Variants in SMARCA2 observed in about 807,000 individuals in gnomAD.
SMARCA2 encodes the protein SWI/SNF-related matrix-associated actin-dependent regulator of chromatin subfamily A member 2.
In SMARCA2, 61 loss-of-function variants were observed where a neutral mutation model predicts 199.8. The ratio of observed to expected loss-of-function variants is 0.31; its 90% confidence interval spans 0.25 to 0.38. The LOEUF (loss-of-function observed/expected upper bound fraction) is 0.38, where lower values mean the gene tolerates loss of function less well. SMARCA2 is among the 10% of genes least tolerant of loss of function. SMARCA2 has a pLI of 1.00. For synonymous variants in SMARCA2, 935 were observed against 732.0 expected (o/e 1.28, Z -4.48); for missense variants, 1,344 against 2,012.2 (o/e 0.67, Z 6.35).
chr9:2,101,347 G>C (rs539524805), intron 21 of SMARCA2, among the ~76,000 whole-genome samples: 1 of 152,180 alleles, frequency 6.6e-6, no homozygotes, highest in South Asian at 2.1e-4. Flanking sequence ...TTACCTGAGA[G>C]TCTAGAGACT....
intron 32 of SMARCA2, 138 bp downstream of exon 32, chr9:2,186,366 C>T: frequency 1.2e-6 from 1 of 847,904 alleles, no homozygotes; most frequent in Non-Finnish European, 1.8e-6. Flanking sequence ...CCTTGCTGGG[C>T]AACCGGTGGC....
chr9:2,073,295 A>C lies in SMARCA2; in HGVS notation c.1830A>C (p.Glu610Asp). The C allele has an allele frequency of 6.2e-7, 1 of 1,614,218 alleles. No individual in the cohort carries two copies. Among genetic ancestry groups the C allele is most frequent in the Non-Finnish European group, 8.5e-7 (1 of 1,180,040 alleles). Reference sequence around the variant, plus strand: ...CCGGCAAGGTTCTGTTCGGACCAGAAGCACCCAAAGCAAGTCAGCTGGACG... The same window carrying C: ...CCGGCAAGGTTCTGTTCGGACCAGACGCACCCAAAGCAAGTCAGCTGGACG... The part of the protein sequence containing the change: ...TETGKVLFGP[E>D]APKASQLDAW... Residue 610 changes from glutamate to aspartate, a missense_variant, in exon 11 of 34, where the codon GAA becomes GAC. By Grantham distance (45) the Glu-to-Asp change is conservative. Transcript: ENST00000349721.
intron 27 of SMARCA2, among the ~76,000 whole-genome samples, chr9:2,144,539 T>G (rs1462437018): frequency 1.3e-5 from 2 of 152,046 alleles, no homozygotes; most frequent in African/African-American, 4.8e-5. Context: ...CATGGCAGAT[T>G]TTACACCCAG....
chr9:2,124,790 A>G (rs1197492799), intron 27 of SMARCA2, among the ~76,000 whole-genome samples: 1 of 152,212 alleles, frequency 6.6e-6, no homozygotes, highest in African/African-American at 2.4e-5. Flanking sequence ...GTGTGTGAAC[A>G]CTGAGGCCCG....
At chr9:2,139,591 A>G (rs1466680118) in intron 27 of SMARCA2, among the ~76,000 whole-genome samples, 1 of 152,174 alleles carries the variant, frequency 6.6e-6, no homozygotes, top group African/African-American at 2.4e-5. Flanking sequence ...CTGCCATTTT[A>G]TCTGATGATT....
chr9:2,057,793 T>C (rs1040493292), intron 7 of SMARCA2, among the ~76,000 whole-genome samples: 4 of 152,344 alleles, frequency 2.6e-5, no homozygotes, highest in African/African-American at 9.6e-5. Context: ...TTAGTGTAAA[T>C]AGAGTATATA....
intron 1 of SMARCA2, chr9:2,018,055 C>T (rs913220739): frequency 2.6e-5 from 4 of 152,234 alleles, no homozygotes; most frequent in African/African-American, 9.7e-5. Context: ...TCGCTGCGCC[C>T]GGGGCTGTTG....
Position 2,056,659 on chromosome 9 carries a change from C to T in SMARCA2, c.1174-13C>T, listed in dbSNP as rs1337143006. 1.9e-6 allele frequency: 3 copies of T among 1,607,358 alleles called. No homozygotes were observed. The highest frequency in any genetic ancestry group is 3.4e-5 in the Admixed American group (2 of 58,358). On this transcript the variant is annotated splice_polypyrimidine_tract_variant and intron_variant, in intron 6 of 33. Coordinates refer to ENST00000349721, the MANE Select transcript of SMARCA2 (RefSeq NM_003070.5). This position sits in a 1 kb window ranked among gnomAD's most constrained non-coding sequence, Gnocchi z 4.0. ...TGTTAGGGAAGGCTGTCTAACTGCTCTCTTCTTGACAGCTGAGACAGGAGG... is the reference window on the plus strand; with the variant it reads ...TGTTAGGGAAGGCTGTCTAACTGCTTTCTTCTTGACAGCTGAGACAGGAGG...
intron 9 of SMARCA2, among the ~76,000 whole-genome samples, chr9:2,069,240 A>C (rs1281198054): frequency 6.6e-6 from 1 of 151,606 alleles, no homozygotes; most frequent in African/African-American, 2.4e-5. Flanking sequence ...TTAACTTTTC[A>C]TTTAGGTTGT....
rs75748686 is a variant in SMARCA2, at chr9:2,151,137, T to A, written c.3982-10549T>A. Among the ~76,000 whole-genome samples, 727 of 151,536 alleles carry A rather than the reference T, an allele frequency of 4.8e-3. 16 individuals are homozygous for A. The highest frequency in any genetic ancestry group is 0.017 in the African/African-American group (697 of 41,428). ...CACTATGTACATGACACATGTACAT[T>A]TTGATCAATAACTAATCATATCACT... is the stretch of plus-strand genomic sequence containing the variant. On this transcript the variant is annotated intron_variant, in intron 27 of 33. Transcript: ENST00000349721.
At chr9:2,020,026 C>T (rs778859024) in intron 1 of SMARCA2, among the ~76,000 whole-genome samples, 1 of 152,008 alleles carries the variant, frequency 6.6e-6, no homozygotes, top group Admixed American at 6.5e-5. Flanking sequence ...GTTGGTAGGA[C>T]CTGATTTAAC....
chr9:2,083,374 T>C lies in SMARCA2; in HGVS notation c.2376T>C (p.Phe792=). The C allele has an allele frequency of 6.2e-7, 1 of 1,607,678 alleles. No individual in the cohort carries two copies. Among genetic ancestry groups the C allele is most frequent in the Non-Finnish European group, 8.5e-7 (1 of 1,176,122 alleles). Residue 792 remains phenylalanine (F), a synonymous_variant, in exon 16 of 34, where the codon TTT becomes TTC. Transcript: ENST00000349721. ...LSTLSNWTYE[F]DKWAPSVVKI... is the part of the protein sequence containing the mutation. Reference sequence around the variant, plus strand: ...CTCTATCTAACTGGACATATGAATTTGACAAATGGGCTCCTTCTGTGGTGA... The same window carrying C: ...CTCTATCTAACTGGACATATGAATTCGACAAATGGGCTCCTTCTGTGGTGA...
Position 2,160,242 on chromosome 9 carries a change from T to G in SMARCA2, c.3982-1444T>G, listed in dbSNP as rs147426704. The G allele has an allele frequency of 3.3e-3, 1,223 of 374,930 alleles. 6 individuals carry two copies. The highest frequency in any genetic ancestry group is 0.01 in the South Asian group (193 of 19,080). 23.2% of individuals were successfully genotyped at this position (374,930 alleles called of 1,614,324 possible). A position where few individuals can be genotyped will look rare whatever the true frequency, so the allele number is the denominator to read the frequency against. On this transcript the variant is annotated intron_variant, in intron 27 of 33. Coordinates refer to ENST00000349721, the MANE Select transcript of SMARCA2 (RefSeq NM_003070.5). ...TTTTTTTTTTCCTTTTCCTTTTTCC[T>G]CATAACTCATCAGATCTCGCCTCCT...
rs561093327 is a variant in SMARCA2, at chr9:2,192,748, G to C, written c.*9G>C. The C allele has an allele frequency of 1.1e-4, 183 of 1,602,842 alleles. No homozygotes were observed. The highest frequency in any genetic ancestry group is 5.2e-4 in the Admixed American group (31 of 59,970). The stretch of plus-strand genomic sequence containing the variant: ...GGACGGATGATGAGTGATCAGTATG[G>C]ACCTTTTTCCTTGGTAGAACTGAAT... On this transcript the variant is annotated 3_prime_UTR_variant, in exon 34 of 34. Transcript: ENST00000349721.
chr9:2,093,555 T>C (rs1338974508), intron 19 of SMARCA2, among the ~76,000 whole-genome samples: 1 of 152,214 alleles, frequency 6.6e-6, no homozygotes, highest in Non-Finnish European at 1.5e-5. Flanking sequence ...TGAGGCCTTA[T>C]GGGTTTCCCC....
chr9:2,030,952 A>G (rs1432547110), intron 2 of SMARCA2, among the ~76,000 whole-genome samples: 3 of 152,224 alleles, frequency 2.0e-5, no homozygotes, highest in African/African-American at 7.2e-5. Flanking sequence ...TTATTTTGAA[A>G]AGGAAAACAA....
At chr9:2,020,559 A>G (rs1818555012) in intron 1 of SMARCA2, among the ~76,000 whole-genome samples, 2 of 152,184 alleles carry the variant, frequency 1.3e-5, no homozygotes, top group Non-Finnish European at 2.9e-5. Flanking sequence ...GAAAGAGAGC[A>G]TATTTATTTA....
chr9:2,114,242 A>C (rs989367408), intron 24 of SMARCA2, among the ~76,000 whole-genome samples: 3 of 152,234 alleles, frequency 2.0e-5, no homozygotes, highest in Non-Finnish European at 4.4e-5. Flanking sequence ...TTTAGAAAAT[A>C]ATCTAATATA....
At chr9:2,153,218 AAGG>A (rs1177705628) in intron 27 of SMARCA2, among the ~76,000 whole-genome samples, 1 of 152,216 alleles carries the variant, frequency 6.6e-6, no homozygotes, top group African/African-American at 2.4e-5. Context: ...GTTATTTGAC[AAGG>A]AGAAGAAAAG....
Sources: allele counts gnomAD v4.1 joint callset (sites outside exome capture counted in the v4.1 genomes callset), GRCh38; gene constraint gnomAD v4.1.1; non-coding constraint Gnocchi (gnomAD v3.1); transcripts MANE v1.5; gene names NCBI Gene and HGNC (gene_info 2026-07-23, HGNC 2026-07-21).